Variants in EPB41L3 observed in about 807,000 individuals in gnomAD.
The protein encoded by EPB41L3 is erythrocyte membrane protein band 4.1 like 3.
EPB41L3 carries 57 observed loss-of-function variants against 127.1 expected under a neutral mutation model. The observed-to-expected ratio is 0.45, with a 90% CI of 0.36 to 0.56. The LOEUF (loss-of-function observed/expected upper bound fraction) is 0.56. Ranked by LOEUF, EPB41L3 falls within the 20% of genes least tolerant of loss-of-function variation. The pLI, the probability that EPB41L3 is intolerant of heterozygous loss-of-function variation, is 0.00. For synonymous variants in EPB41L3, 572 were observed against 549.5 expected (o/e 1.04, Z -0.57); for missense variants, 1,273 against 1,372.2 (o/e 0.93, Z 1.14).
At chr18:5,629,415 C>CCACACACACACACA (rs61034629), upstream of EPB41L3, among the ~76,000 whole-genome samples, 153 of 143,840 alleles carry the variant, frequency 1.1e-3, 1 homozygote, top group East Asian at 2.4e-3. Flanking sequence ...TCCTTACACA[C>CCACACACACACACA]CACACACACA....
intron 12 of EPB41L3, among the ~76,000 whole-genome samples, chr18:5,418,501 TG>T (rs200844596): frequency 0.027 from 4,081 of 152,358 alleles, 91 homozygotes; most frequent in Non-Finnish European, 0.044. Flanking sequence ...ATTTGTTTTT[TG>T]GGTGGATTAT....
rs187569850 is a variant in EPB41L3 at position 5,564,154 on chromosome 18, T to C, written c.-306+48186A>G. 1.6e-3 allele frequency among the ~76,000 whole-genome samples: 240 copies of C among 152,292 alleles called. 1 individual carries two copies. Among genetic ancestry groups the C allele is most frequent in the African/African-American group, 5.3e-3 (221 of 41,562 alleles). ...GGCGATTTCAGTTGAGTTTTGGGGA[T>C]AAATATTAATAATTCTGTGTATCAA... On this transcript the variant is annotated intron_variant, in intron 3 of 21. Transcript: ENST00000545076.
chr18:5,579,067 A>G (rs2143115201), intron 3 of EPB41L3, among the ~76,000 whole-genome samples: 1 of 152,378 alleles, frequency 6.6e-6, no homozygotes, highest in Admixed American at 6.5e-5. Context: ...CTGGAATATT[A>G]AACAATAGAA....
chr18:5,409,817 C>T (rs1488687474), intron 14 of EPB41L3, among the ~76,000 whole-genome samples: 5 of 151,642 alleles, frequency 3.3e-5, no homozygotes, highest in Non-Finnish European at 5.9e-5. Flanking sequence ...GTCTTGACTT[C>T]CATTAGTACA....
At chr18:5,408,072 A>G (rs2075708552) in intron 14 of EPB41L3, among the ~76,000 whole-genome samples, 1 of 152,184 alleles carries the variant, frequency 6.6e-6, no homozygotes, top group African/African-American at 2.4e-5. Context: ...GAGCCAGATT[A>G]AAATTAAAAT....
chr18:5,457,916 G>C (rs1379193310), intron 3 of EPB41L3, among the ~76,000 whole-genome samples: 1 of 152,124 alleles, frequency 6.6e-6, no homozygotes, highest in African/African-American at 2.4e-5. Flanking sequence ...CACTGTCAGG[G>C]GGGCACTTTT....
intron 1 of EPB41L3, among the ~76,000 whole-genome samples, chr18:5,509,119 C>G (rs2092386857): frequency 6.6e-6 from 1 of 152,192 alleles, no homozygotes; most frequent in South Asian, 2.1e-4. Context: ...AACATTCAAA[C>G]TGGTTTGGTC....
At chr18:5,420,223 C>T (rs182085230) in intron 11 of EPB41L3, 6 of 344,988 alleles carry the variant, frequency 1.7e-5, no homozygotes, top group African/African-American at 6.4e-5. Context: ...GGTCATGAGG[C>T]GAGGCTGCCG....
chr18:5,460,864 C>T lies in EPB41L3; in HGVS notation c.382-15620G>A, dbSNP rs184592883. Among the ~76,000 whole-genome samples, 442 of 152,288 alleles carry T rather than the reference C, an allele frequency of 2.9e-3. 2 individuals carry two copies. Among genetic ancestry groups the T allele is most frequent in the African/African-American group, 9.7e-3 (404 of 41,546 alleles). On this transcript the variant is annotated intron_variant, in intron 3 of 22. Transcript: ENST00000341928. The stretch of plus-strand genomic sequence containing the variant: ...CTTCCTACTCTCATTTTCTCTTGGT[C>T]CGCTTTCTACATATTTATTTTCTCT...
chr18:5,485,529 A>G (rs895628665), intron 2 of EPB41L3, among the ~76,000 whole-genome samples: 14 of 152,070 alleles, frequency 9.2e-5, no homozygotes, highest in Non-Finnish European at 1.9e-4. Flanking sequence ...AAGGGCATCC[A>G]AACTGAAAAG....
intron 3 of EPB41L3, among the ~76,000 whole-genome samples, chr18:5,568,625 C>T (rs1204728485): frequency 1.3e-5 from 2 of 152,092 alleles, no homozygotes; most frequent in African/African-American, 2.4e-5. Flanking sequence ...TATTTGTCAA[C>T]ATGAGAAGAA....
At chr18:5,485,868 C>T (rs902971154) in intron 2 of EPB41L3, among the ~76,000 whole-genome samples, 1 of 152,022 alleles carries the variant, frequency 6.6e-6, no homozygotes, top group African/African-American at 2.4e-5. Flanking sequence ...ATATTCCATG[C>T]TCATGGATTA....
At chr18:5,410,497 A>T in intron 14 of EPB41L3, 69 bp downstream of exon 14, 1 of 1,174,006 alleles carries the variant, frequency 8.5e-7, no homozygotes, top group Non-Finnish European at 1.3e-6. Context: ...TGGAGTTCTT[A>T]AACACAGAGC....
intron 11 of EPB41L3, among the ~76,000 whole-genome samples, chr18:5,420,816 C>A (rs185853850): frequency 6.6e-6 from 1 of 152,216 alleles, no homozygotes; most frequent in African/African-American, 2.4e-5. Flanking sequence ...GACAAAATAT[C>A]TACATTATTA....
chr18:5,493,601 T>C (rs1013584890), intron 1 of EPB41L3, among the ~76,000 whole-genome samples: 1 of 151,854 alleles, frequency 6.6e-6, no homozygotes, highest in Non-Finnish European at 1.5e-5. Flanking sequence ...GTATCATCCA[T>C]CCAAAAAGAA....
intron 3 of EPB41L3, among the ~76,000 whole-genome samples, chr18:5,561,257 G>T (rs1034295238): frequency 2.6e-5 from 4 of 152,108 alleles, no homozygotes; most frequent in African/African-American, 7.2e-5. Flanking sequence ...GATTATAGGC[G>T]TGAGCCACCG....
chr18:5,590,566 TCACA>T (rs35652184), intron 3 of EPB41L3, among the ~76,000 whole-genome samples: 8 of 150,162 alleles, frequency 5.3e-5, no homozygotes, highest in African/African-American at 1.2e-4. Context: ...AACACTATGT[TCACA>T]CACACACACA....
intron 3 of EPB41L3, among the ~76,000 whole-genome samples, chr18:5,591,161 T>G (rs893658805): frequency 6.6e-6 from 1 of 152,246 alleles, no homozygotes; most frequent in African/African-American, 2.4e-5. Context: ...ATCTTCTCTC[T>G]ACTCTTTTCC....
At chr18:5,459,165 G>C (rs751301393) in intron 3 of EPB41L3, among the ~76,000 whole-genome samples, 6 of 152,158 alleles carry the variant, frequency 3.9e-5, no homozygotes, top group Non-Finnish European at 8.8e-5. Flanking sequence ...AGGCATGGTA[G>C]AGCATGCCTT....
Sources: allele counts gnomAD v4.1 joint callset (sites outside exome capture counted in the v4.1 genomes callset), GRCh38; gene constraint gnomAD v4.1.1; transcripts MANE v1.5; gene names NCBI Gene and HGNC (gene_info 2026-07-23, HGNC 2026-07-21).